Variants in INPP4B observed in about 807,000 individuals in gnomAD.
INPP4B encodes inositol polyphosphate-4-phosphatase type II B.
In INPP4B, 55 loss-of-function variants were observed where a neutral mutation model predicts 122.5. That is an observed-to-expected ratio of 0.45 (90% CI 0.36 to 0.56). The LOEUF (loss-of-function observed/expected upper bound fraction) is 0.56. INPP4B is among the 20% of genes least tolerant of loss of function. The pLI is 0.00. For synonymous variants in INPP4B, 403 were observed against 388.7 expected (o/e 1.04, Z -0.43); for missense variants, 1,000 against 1,097.7 (o/e 0.91, Z 1.26).
intron 8 of INPP4B, 52 bp downstream of exon 8, chr4:142,314,660 G>T: frequency 6.6e-7 from 1 of 1,517,084 alleles, no homozygotes; most frequent in Non-Finnish European, 9.0e-7. Context: ...AAATCCAAAT[G>T]ATTAATTTAG....
At chr4:142,637,993 T>G (rs1258699377) in intron 2 of INPP4B, among the ~76,000 whole-genome samples, 1 of 152,238 alleles carries the variant, frequency 6.6e-6, no homozygotes, top group East Asian at 1.9e-4. Flanking sequence ...CTATATATCT[T>G]CTTTCTTGAA....
chr4:142,355,295 C>T (rs992774964), intron 7 of INPP4B, among the ~76,000 whole-genome samples: 1 of 151,836 alleles, frequency 6.6e-6, no homozygotes. Flanking sequence ...AATCTGTGGT[C>T]GTATTTAATC....
intron 9 of INPP4B, among the ~76,000 whole-genome samples, chr4:142,282,527 A>T (rs1327169986): frequency 6.6e-6 from 1 of 152,158 alleles, no homozygotes; most frequent in Non-Finnish European, 1.5e-5. Context: ...ATCAAGATAT[A>T]GGCTGGAATG....
At chr4:142,733,350 A>C (rs1766369243) in intron 1 of INPP4B, among the ~76,000 whole-genome samples, 1 of 152,202 alleles carries the variant, frequency 6.6e-6, no homozygotes, top group Non-Finnish European at 1.5e-5. Flanking sequence ...TGCCAAGTAG[A>C]ATATGAAATG....
chr4:142,367,343 C>T (rs569153263), intron 7 of INPP4B, among the ~76,000 whole-genome samples: 3 of 151,836 alleles, frequency 2.0e-5, no homozygotes, highest in Non-Finnish European at 4.4e-5. Context: ...CCTAGACTTC[C>T]CCCTAATTAC....
intron 7 of INPP4B, 124 bp from the exon 8 acceptor site, chr4:142,314,886 GAATTCACC>G: frequency 1.3e-6 from 1 of 752,554 alleles, no homozygotes; most frequent in Non-Finnish European, 2.2e-6. Context: ...AATCATTAAT[GAATTCACC>G]TGTGTGCAAC....
chr4:142,313,175 C>T (rs1404677212), intron 8 of INPP4B, among the ~76,000 whole-genome samples: 1 of 151,448 alleles, frequency 6.6e-6, no homozygotes, highest in Non-Finnish European at 1.5e-5. Context: ...TTCCCAAGAA[C>T]ATGAGTGAGA....
At chr4:142,157,136 T>C (rs1037484427) in intron 17 of INPP4B, among the ~76,000 whole-genome samples, 1 of 152,116 alleles carries the variant, frequency 6.6e-6, no homozygotes, top group Non-Finnish European at 1.5e-5. Flanking sequence ...AAAGGGAGTA[T>C]ACAAAGTTAT....
chr4:142,801,709 G>A (rs929728816), intron 1 of INPP4B, among the ~76,000 whole-genome samples: 1 of 152,176 alleles, frequency 6.6e-6, no homozygotes, highest in Non-Finnish European at 1.5e-5. Context: ...AAAATTCAGT[G>A]ATGGATATAG....
At chr4:142,325,497 TTG>T (rs1301960740) in intron 7 of INPP4B, among the ~76,000 whole-genome samples, 3 of 152,174 alleles carry the variant, frequency 2.0e-5, no homozygotes, top group African/African-American at 7.2e-5. Context: ...ATATGCTATC[TTG>T]GGTTTTACTC....
chr4:142,545,201 T>C lies in INPP4B; in HGVS notation c.-190-82475A>G, dbSNP rs1343521646. 6.6e-5 allele frequency among the ~76,000 whole-genome samples: 10 copies of C among 152,148 alleles called. No homozygotes were observed. In the South Asian group the frequency reaches 8.3e-4, roughly 13 times the overall value. The stretch of plus-strand genomic sequence containing the variant: ...GCACTTATATTAGTTCAAGACACAA[T>C]GAGGCAAAGATTTAATGTAGTTACT... On this transcript the variant is annotated intron_variant, in intron 2 of 25. Transcript: ENST00000262992.
At chr4:142,813,050 A>T (rs868386439) in intron 1 of INPP4B, among the ~76,000 whole-genome samples, 1 of 152,132 alleles carries the variant, frequency 6.6e-6, no homozygotes, top group Non-Finnish European at 1.5e-5. Context: ...ACTCCTAAAA[A>T]TGTTGAACAC....
At chr4:142,089,656 T>G (rs1778560257) in intron 23 of INPP4B, among the ~76,000 whole-genome samples, 1 of 27,016 alleles carries the variant, frequency 3.7e-5, no homozygotes, top group Non-Finnish European at 6.6e-4. Context: ...AAAAGCTTAC[T>G]TTACAAACAT....
intron 25 of INPP4B, among the ~76,000 whole-genome samples, chr4:142,041,632 A>G (rs1374298192): frequency 1.3e-5 from 2 of 152,012 alleles, no homozygotes; most frequent in African/African-American, 4.8e-5. Context: ...TAATACTACT[A>G]CTACTAATAA....
intron 2 of INPP4B, among the ~76,000 whole-genome samples, chr4:142,494,731 T>C (rs1243113439): frequency 2.0e-5 from 3 of 152,178 alleles, no homozygotes; most frequent in Non-Finnish European, 4.4e-5. Flanking sequence ...CTCTCAATAT[T>C]TTTTCTTCAT....
At chr4:142,147,934 C>T (rs951113061) in intron 17 of INPP4B, among the ~76,000 whole-genome samples, 3 of 152,044 alleles carry the variant, frequency 2.0e-5, no homozygotes, top group Non-Finnish European at 4.4e-5. Context: ...GGAAGAAATG[C>T]TGGGGAAGGG....
At chr4:142,699,492 C>T (rs547726836) in intron 2 of INPP4B, among the ~76,000 whole-genome samples, 2 of 152,240 alleles carry the variant, frequency 1.3e-5, no homozygotes, top group East Asian at 3.9e-4. Flanking sequence ...CCTACTCTGT[C>T]CTTTTACCTG....
chr4:142,184,885 AT>A (rs1169912629), intron 15 of INPP4B, among the ~76,000 whole-genome samples: 3 of 152,192 alleles, frequency 2.0e-5, no homozygotes, highest in African/African-American at 7.2e-5. Flanking sequence ...GAACACATGT[AT>A]ATATTATTGC....
chr4:142,058,864 G>A (rs1759109803), intron 25 of INPP4B, among the ~76,000 whole-genome samples: 1 of 152,114 alleles, frequency 6.6e-6, no homozygotes, highest in Admixed American at 6.6e-5. Context: ...CAACAATTGA[G>A]AGGTGGTCAC....
Sources: gnomAD v4.1 joint callset for allele counts (sites outside exome capture counted in the v4.1 genomes callset) on GRCh38, gnomAD v4.1.1 for gene constraint, MANE v1.5 for transcripts, NCBI Gene and HGNC (gene_info 2026-07-23, HGNC 2026-07-21) for gene names.